The following ZNF169 variants were observed in gnomAD, a reference collection of about 807,000 sequenced individuals.
The protein encoded by ZNF169 is zinc finger protein 169.
ZNF169 carries 11 observed loss-of-function variants against 12.0 expected under a neutral mutation model. That is an observed-to-expected ratio of 0.92 (90% CI 0.58 to 1.52). The LOEUF (loss-of-function observed/expected upper bound fraction) is 1.52. Among genes scored for constraint, ZNF169 ranks in the 40% most tolerant of loss-of-function variants. ZNF169 has a pLI of 0.00. For synonymous variants in ZNF169, 302 were observed against 286.5 expected (o/e 1.05, Z -0.55); for missense variants, 722 against 744.0 (o/e 0.97, Z 0.34).
At chr9:94,298,862 A>G (rs1831001539) in intron 4 of ZNF169, among the ~76,000 whole-genome samples, 1 of 152,170 alleles carries the variant, frequency 6.6e-6, no homozygotes, top group African/African-American at 2.4e-5. Flanking sequence ...GTTATCTCCA[A>G]TTGGCAGCCT....
intron 1 of ZNF169, among the ~76,000 whole-genome samples, chr9:94,270,738 TA>T (rs201577001): frequency 0.74 from 52,202 of 70,608 alleles, 18,860 homozygotes; most frequent in Middle Eastern, 0.84. Context: ...ATTATATAAT[TA>T]ATGTATTTAT....
intron 4 of ZNF169, 149 bp from the exon 5 acceptor site, chr9:94,299,666 G>A (rs1831015150): frequency 7.0e-7 from 1 of 1,435,320 alleles, no homozygotes; most frequent in African/African-American, 1.4e-5. Flanking sequence ...TTTGTAGTGT[G>A]GGTTTTCTGT....
chr9:94,261,112 G>A (rs948830560), intron 1 of ZNF169, among the ~76,000 whole-genome samples: 4 of 151,856 alleles, frequency 2.6e-5, no homozygotes, highest in African/African-American at 9.7e-5. Flanking sequence ...CGCGATCTCG[G>A]CTCACTGCAA....
At chr9:94,289,046 T>A (rs62579663) in intron 2 of ZNF169, among the ~76,000 whole-genome samples, 25,662 of 152,164 alleles carry the variant, frequency 0.17, 2,923 homozygotes, top group Non-Finnish European at 0.25. Context: ...AGGAAAATTA[T>A]GTTTTTAAAC....
At chr9:94,260,001 C>T (rs1830171585) in intron 1 of ZNF169, among the ~76,000 whole-genome samples, 1 of 151,446 alleles carries the variant, frequency 6.6e-6, no homozygotes, top group Admixed American at 6.6e-5. Context: ...CCACCCCAGC[C>T]GCCGGGTTCA....
intron 2 of ZNF169, among the ~76,000 whole-genome samples, chr9:94,290,315 A>G (rs1424158453): frequency 1.3e-5 from 2 of 152,222 alleles, no homozygotes; most frequent in African/African-American, 4.8e-5. Flanking sequence ...CATTAAGTAC[A>G]TTCACATTGT....
In ZNF169 at chr9:94,269,205, G is replaced by A. The variant is rs569409789; in HGVS notation, c.-55-9553G>A. Among the ~76,000 whole-genome samples the A allele has an allele frequency of 4.6e-5, 7 of 152,212 alleles. No individual in the cohort carries two copies. The South Asian group carries it at 1.5e-3, about 32-fold the overall frequency. On this transcript the variant is annotated intron_variant, in intron 1 of 4. Coordinates refer to ENST00000395395, the MANE Select transcript of ZNF169 (RefSeq NM_194320.4). ...GGAGACAAATTTTGGACAACACAAG[G>A]GGGAGTGCACTCAGGCAAAACAGAC...
intron 1 of ZNF169, among the ~76,000 whole-genome samples, chr9:94,262,558 A>C (rs1335524142): frequency 6.6e-6 from 1 of 151,954 alleles, no homozygotes; most frequent in African/African-American, 2.4e-5. Flanking sequence ...TCCCAAGTTC[A>C]AGCGATTCTC....
At position 94,299,835 on chromosome 9, in the gene ZNF169, C is replaced by A; in HGVS notation, c.277C>A (p.Pro93Thr). Reference sequence around the variant, plus strand: ...AGCAGAGCCTAGAACAGAATTCCAGCCAAGTTTTCCCCACCTGGTGGCCTT... The same window carrying A: ...AGCAGAGCCTAGAACAGAATTCCAGACAAGTTTTCCCCACCTGGTGGCCTT... ...LCPEPRTEFQPSFPHLVAFSS... is the reference protein window; with the variant it reads ...LCPEPRTEFQTSFPHLVAFSS... The change falls in exon 5 of 5, where the codon CCA becomes ACA. Residue 93 changes from proline (P) to threonine (T), a missense_variant. Coordinates refer to ENST00000395395, the MANE Select transcript of ZNF169 (RefSeq NM_194320.4). The A allele has an allele frequency of 1.2e-6, 2 of 1,613,354 alleles. No homozygotes were observed. Among genetic ancestry groups the A allele is most frequent in the East Asian group, 4.5e-5 (2 of 44,848 alleles).
chr9:94,293,044 C>G lies in ZNF169; in HGVS notation c.231C>G (p.Asn77Lys), dbSNP rs368149871. The G allele has an allele frequency of 1.2e-6, 2 of 1,613,406 alleles. No homozygotes were observed. Among genetic ancestry groups the G allele is most frequent in the Non-Finnish European group, 1.7e-6 (2 of 1,179,732 alleles). ...GCGACGAACCTTGGAGAGAGGAGAA[C>G]GAACATCTTCTGGACCTTTGTCCAG... ...EQGDEPWREE[N>K]EHLLDLCPEP... Residue 77 changes from asparagine (N) to lysine (K), a missense_variant, in exon 4 of 5, where the codon AAC (asparagine) becomes AAG (lysine). Physicochemically the swap from Asn to Lys is moderately conservative, Grantham distance 94. Coordinates refer to ENST00000395395, the MANE Select transcript of ZNF169 (RefSeq NM_194320.4).
At chr9:94,277,197 A>T (rs1219829248) in intron 1 of ZNF169, among the ~76,000 whole-genome samples, 1 of 152,214 alleles carries the variant, frequency 6.6e-6, no homozygotes, top group Admixed American at 6.5e-5. Context: ...TTATCTGAAG[A>T]CCTGGGATCA....
In ZNF169 at chr9:94,287,860, C is replaced by T. The variant is rs556964174; in HGVS notation, c.34-4481C>T. Reference sequence around the variant, plus strand: ...TTGTTCATTTTAGCCGAGAAGTAGGCGTCAGGGTCGATCTGATACTTGGCT... The same window carrying T: ...TTGTTCATTTTAGCCGAGAAGTAGGTGTCAGGGTCGATCTGATACTTGGCT... On this transcript the variant is annotated intron_variant, in intron 2 of 4. Coordinates refer to ENST00000395395, the MANE Select transcript of ZNF169 (RefSeq NM_194320.4). The T allele has an allele frequency of 6.1e-5, 63 of 1,024,734 alleles. No homozygotes were observed. In the African/African-American group the frequency reaches 9.3e-4, roughly 15 times the overall value. 63.5% of individuals were successfully genotyped at this position (1,024,734 alleles called of 1,614,324 possible). A position where few individuals can be genotyped will look rare whatever the true frequency, so the allele number is the denominator to read the frequency against.
intron 4 of ZNF169, chr9:94,296,889 CA>C: frequency 1.1e-5 from 5 of 444,880 alleles, no homozygotes; most frequent in Admixed American, 5.0e-5. Context: ...ACTAAAAATA[CA>C]AAAAAAACTA....
chr9:94,297,567 TG>T (rs1190808291), intron 4 of ZNF169, among the ~76,000 whole-genome samples: 1 of 152,232 alleles, frequency 6.6e-6, no homozygotes, highest in African/African-American at 2.4e-5. Flanking sequence ...CTAAAGCTGC[TG>T]AAGTTCCCTC....
chr9:94,275,990 C>T (rs1018255516), intron 1 of ZNF169, among the ~76,000 whole-genome samples: 15 of 151,708 alleles, frequency 9.9e-5, no homozygotes, highest in Non-Finnish European at 1.3e-4. Context: ...GCCAGGCTGG[C>T]CTCGAACTCC....
chr9:94,293,998 T>C (rs1830899679), intron 4 of ZNF169: 7 of 152,218 alleles, frequency 4.6e-5, no homozygotes, highest in Admixed American at 4.6e-4. Flanking sequence ...ATCTGATGGG[T>C]TCTTCACTCA....
chr9:94,268,955 TAAAC>T (rs140587306), intron 1 of ZNF169, among the ~76,000 whole-genome samples: 56,400 of 151,306 alleles, frequency 0.37, 10,866 homozygotes, highest in Middle Eastern at 0.45. Flanking sequence ...AGGAAAGAAA[TAAAC>T]AAAAACATGA....
At chr9:94,291,003 A>T (rs1265603412) in intron 2 of ZNF169, among the ~76,000 whole-genome samples, 6 of 147,028 alleles carry the variant, frequency 4.1e-5, no homozygotes, top group Admixed American at 2.0e-4. Flanking sequence ...AAGTAAAAAA[A>T]TTTTTTAAAC....
intron 1 of ZNF169, among the ~76,000 whole-genome samples, chr9:94,263,106 G>A (rs1830233583): frequency 1.3e-5 from 2 of 152,016 alleles, no homozygotes; most frequent in Admixed American, 1.3e-4. Context: ...GGTCAAGTTA[G>A]TTATTATGTT....
Sources: allele counts gnomAD v4.1 joint callset (sites outside exome capture counted in the v4.1 genomes callset), GRCh38; gene constraint gnomAD v4.1.1; transcripts MANE v1.5; gene names NCBI Gene and HGNC (gene_info 2026-07-23, HGNC 2026-07-21).